The following IL3RA variants were observed in gnomAD, a reference collection of about 807,000 sequenced individuals.
IL3RA encodes the protein interleukin-3 receptor subunit alpha.
Under a neutral mutation model 52.3 loss-of-function variants are expected in IL3RA, and 73 were observed. The ratio of observed to expected loss-of-function variants is 1.40; its 90% CI spans 1.16 to 1.70. IL3RA has a LOEUF of 1.70. Among genes scored for constraint, IL3RA ranks in the 40% most tolerant of loss-of-function variants. The probability of loss-of-function intolerance (pLI) is 0.00; values close to 1 mark genes in which losing one functional copy is unlikely to be tolerated. For synonymous variants in IL3RA, 260 were observed against 194.0 expected, an observed-to-expected ratio of 1.34 and a Z score of -2.83; for missense variants, 664 against 504.4, an observed-to-expected ratio of 1.32 and a Z score of -3.03.
intron 4 of IL3RA, 57 bp from the exon 5 acceptor site, chrX:1,352,043 G>T (rs1456181907): frequency 3.8e-6 from 6 of 1,590,150 alleles, no homozygotes; most frequent in Non-Finnish European, 5.1e-6. Flanking sequence ...GGGGTGACAG[G>T]CGTGAGCCAC....
chrX:1,379,097 C>A (rs2088998233), intron 10 of IL3RA, among the ~76,000 whole-genome samples: 1 of 152,120 alleles, frequency 6.6e-6, no homozygotes, highest in African/African-American at 2.4e-5. Context: ...CCTGCCTCAG[C>A]CTCCTAAAGT....
chrX:1,355,179 A>AGGGAAGAAAAGGAGGGGGAGGAGGGT (rs2086580841), intron 6 of IL3RA, among the ~76,000 whole-genome samples: 1 of 6,006 alleles, frequency 1.7e-4, no homozygotes, highest in Non-Finnish European at 2.8e-4. Flanking sequence ...GGGAGGAGGA[A>AGGGAAGAAAAGGAGGGGGAGGAGGGT]GGAGGGGGAG....
At chrX:1,374,072 C>T (rs2088636951) in intron 9 of IL3RA, among the ~76,000 whole-genome samples, 1 of 60,722 alleles carries the variant, frequency 1.6e-5, no homozygotes, top group Non-Finnish European at 2.7e-5. Context: ...CCCTGTGGGA[C>T]ACAGGGAGAA....
At chrX:1,380,614 G>C (rs1311808593) in intron 10 of IL3RA, among the ~76,000 whole-genome samples, 1 of 11,298 alleles carries the variant, frequency 8.9e-5, no homozygotes, top group Non-Finnish European at 1.4e-4. Flanking sequence ...AGGGGAGGAT[G>C]AGTGGGGAGG....
chrX:1,348,675 TTTCTTTC>T (rs1275857031), intron 4 of IL3RA, 130 bp downstream of exon 4: 2 of 398,768 alleles, frequency 5.0e-6, no homozygotes, highest in Non-Finnish European at 8.9e-6. Context: ...TCTTTCTTTC[TTTCTTTC>T]TTTCTTTCTT....
At chrX:1,377,295 C>T (rs1369033190) in intron 9 of IL3RA, among the ~76,000 whole-genome samples, 1 of 152,074 alleles carries the variant, frequency 6.6e-6, no homozygotes, top group African/African-American at 2.4e-5. Context: ...GGCTGGAGTG[C>T]AGTGGCGTGA....
At chrX:1,340,974 G>C (rs182719522) in intron 1 of IL3RA, among the ~76,000 whole-genome samples, 1 of 152,008 alleles carries the variant, frequency 6.6e-6, no homozygotes, top group Non-Finnish European at 1.5e-5. Flanking sequence ...AAAATTAGCC[G>C]GACATGGTGG....
intron 10 of IL3RA, 134 bp from the exon 11 acceptor site, chrX:1,380,889 A>G: frequency 1.3e-6 from 1 of 752,560 alleles, no homozygotes; most frequent in Middle Eastern, 2.9e-4. Flanking sequence ...GGGCCGGGAA[A>G]ATAGAGACCC....
In IL3RA at chrX:1,354,192, G is replaced by T. The variant is rs17883288; in HGVS notation, c.616+1686G>T. Among the ~76,000 whole-genome samples the T allele has an allele frequency of 8.1e-3, 1,239 of 152,130 alleles. 8 individuals are homozygous for T. Among genetic ancestry groups the T allele is most frequent in the Middle Eastern group, 0.027 (8 of 294 alleles). ...GGTCACGGGAGCCCCCATCATGGGG[G>T]TCCACCCTCATAACTTCAGCCCACG... is the stretch of plus-strand genomic sequence containing the variant. On this transcript the variant is annotated intron_variant, in intron 6 of 11. Coordinates refer to ENST00000331035, the MANE Select transcript of IL3RA (RefSeq NM_002183.4).
rs199700647 is a variant in IL3RA, at chrX:1,361,853, T to TG, written c.759+2972dup. ...CTTATTCACTACCCCGAGAACAGTGTGGGGGGAAACTGCCCCCATGATTCA... is the reference window on the plus strand; with the variant it reads ...CTTATTCACTACCCCGAGAACAGTGTGGGGGGGAAACTGCCCCCATGATTCA... On this transcript the variant is annotated intron_variant, in intron 8 of 11. Transcript: ENST00000331035. Among the ~76,000 whole-genome samples, 1,174 of 150,442 alleles carry TG rather than the reference T, an allele frequency of 7.8e-3. 18 individuals are homozygous for TG. The highest frequency in any genetic ancestry group is 0.024 in the African/African-American group (999 of 40,854).
At chrX:1,362,746 TCTC>T in intron 8 of IL3RA, among the ~76,000 whole-genome samples, 1 of 151,936 alleles carries the variant, frequency 6.6e-6, no homozygotes, top group African/African-American at 2.4e-5. Context: ...CACATGGCCT[TCTC>T]CTCTGCATCC....
chrX:1,354,878 T>G (rs1234886572), intron 6 of IL3RA, among the ~76,000 whole-genome samples: 49 of 10,090 alleles, frequency 4.9e-3, no homozygotes, highest in South Asian at 0.011. Context: ...GAGAAGGAGG[T>G]GAGGAGGAGG....
chrX:1,379,473 A>G (rs1232213038), intron 10 of IL3RA, among the ~76,000 whole-genome samples: 49 of 152,052 alleles, frequency 3.2e-4, no homozygotes, highest in African/African-American at 1.1e-3. Context: ...AATTATTCAC[A>G]AAAGACCAGG....
chrX:1,345,581 C>G (rs2085706932), intron 3 of IL3RA, 147 bp downstream of exon 3: 1 of 463,726 alleles, frequency 2.2e-6, no homozygotes, highest in East Asian at 3.7e-5. Context: ...CCTCCACCTC[C>G]CAGGTCCATG....
intron 2 of IL3RA, among the ~76,000 whole-genome samples, chrX:1,343,414 C>T (rs1264179674): frequency 6.6e-6 from 1 of 151,938 alleles, no homozygotes; most frequent in East Asian, 1.9e-4. Context: ...TCTGTAATCC[C>T]AGCACTTTGG....
At chrX:1,355,474 A>AGGG (rs1569523230) in intron 6 of IL3RA, among the ~76,000 whole-genome samples, 11 of 56,050 alleles carry the variant, frequency 2.0e-4, no homozygotes, top group African/African-American at 2.9e-4. Flanking sequence ...GAGGGGGAGG[A>AGGG]GGAGGAGGGG....
At chrX:1,350,763 G>C (rs2086047326) in intron 4 of IL3RA, among the ~76,000 whole-genome samples, 1 of 150,834 alleles carries the variant, frequency 6.6e-6, no homozygotes, top group African/African-American at 2.4e-5. Flanking sequence ...GCCAGGGGTG[G>C]TGGCACATGC....
intron 9 of IL3RA, among the ~76,000 whole-genome samples, chrX:1,378,344 G>A (rs1270097226): frequency 6.6e-6 from 1 of 152,170 alleles, no homozygotes; most frequent in Non-Finnish European, 1.5e-5. Flanking sequence ...TGGGCACAGT[G>A]GAAGTCCCTG....
chrX:1,356,098 C>G, intron 6 of IL3RA, 123 bp from the exon 7 acceptor site: 1 of 676,858 alleles, frequency 1.5e-6, no homozygotes, highest in Non-Finnish European at 2.6e-6. Context: ...TGGTGTTTTT[C>G]TCTCCCGCTC....
Sources: gnomAD v4.1 joint callset for allele counts (sites outside exome capture counted in the v4.1 genomes callset) on GRCh38, gnomAD v4.1.1 for gene constraint, MANE v1.5 for transcripts, NCBI Gene and HGNC (gene_info 2026-07-23, HGNC 2026-07-21) for gene names.